Variants in NCAM2 observed in about 807,000 individuals in gnomAD.
NCAM2 encodes neural cell adhesion molecule 2, also known as N-CAM-2.
NCAM2 carries 30 observed loss-of-function variants against 98.1 expected under a neutral mutation model. That is an observed-to-expected ratio of 0.31 (90% CI 0.23 to 0.41). The LOEUF (loss-of-function observed/expected upper bound fraction) is 0.41, where lower values mean the gene tolerates loss of function less well. Ranked by LOEUF, NCAM2 falls within the 10% of genes least tolerant of loss-of-function variation. The pLI is 1.00. For synonymous variants in NCAM2, 368 were observed against 342.4 expected, an observed-to-expected ratio of 1.07 and a Z score of -0.83; for missense variants, 867 against 1,005.8, an observed-to-expected ratio of 0.86 and a Z score of 1.87.
At position 21,072,147 on chromosome 21, in the gene NCAM2, T is replaced by C. The variant is rs573170932; in HGVS notation, c.55+73529T>C. Among the ~76,000 whole-genome samples the C allele has an allele frequency of 5.3e-5, 8 of 152,194 alleles. No homozygotes were observed. The East Asian group carries it at 1.4e-3, about 26-fold the overall frequency. ...CAGGATGGTCTCGATCTCCTGACCT[T>C]GCGATCCTCCCGTTTCGGCCTCCCA... On this transcript the variant is annotated intron_variant, in intron 1 of 17. Coordinates refer to ENST00000400546, the MANE Select transcript of NCAM2 (RefSeq NM_004540.5).
intron 1 of NCAM2, among the ~76,000 whole-genome samples, chr21:21,062,436 G>A (rs8126944): frequency 0.2 from 31,116 of 151,916 alleles, 3,561 homozygotes; most frequent in African/African-American, 0.28. Flanking sequence ...TAACTTATAC[G>A]TATTTTCACA....
chr21:21,049,259 T>C (rs946862467), intron 1 of NCAM2, among the ~76,000 whole-genome samples: 14 of 151,454 alleles, frequency 9.2e-5, no homozygotes, highest in African/African-American at 3.4e-4. Context: ...GACCTCATGA[T>C]CCACCCGCCT....
intron 9 of NCAM2, among the ~76,000 whole-genome samples, chr21:21,400,192 G>A (rs1330428719): frequency 6.6e-6 from 1 of 152,150 alleles, no homozygotes; most frequent in East Asian, 1.9e-4. Flanking sequence ...TTCAGATGCT[G>A]GCATATGTTA....
At position 21,343,352 on chromosome 21, in the gene NCAM2, TACACATACAC is replaced by T. The variant is rs1385340007; in HGVS notation, c.1044+4824_1044+4833del. ...AGGACACCAAGTTAACAACTATCTA[TACACATACAC>T]ACACACACACACACACACACACACA... On this transcript the variant is annotated intron_variant, in intron 8 of 17. Transcript: ENST00000400546. 1.7e-3 allele frequency among the ~76,000 whole-genome samples: 183 copies of T among 110,158 alleles called. 1 individual carries two copies. The highest frequency in any genetic ancestry group is 5.5e-3 in the African/African-American group (157 of 28,500). The allele number at this position is 110,158 out of a possible 152,430, so 72.3% of individuals were successfully genotyped here.
At chr21:21,520,860 CTG>C (rs1250461037) in intron 16 of NCAM2, among the ~76,000 whole-genome samples, 1 of 151,752 alleles carries the variant, frequency 6.6e-6, no homozygotes, top group East Asian at 1.9e-4. Flanking sequence ...GTGGACAAAT[CTG>C]TGAGTTGAAA....
chr21:21,142,377 G>GTTTTTTTTTTTTTTTTT (rs10686568), intron 1 of NCAM2, among the ~76,000 whole-genome samples: 5 of 107,190 alleles, frequency 4.7e-5, no homozygotes, highest in East Asian at 2.9e-4. Context: ...TTTTTTTTAT[G>GTTTTTTTTTTTTTTTTT]TTTTTTTTTT....
intron 1 of NCAM2, among the ~76,000 whole-genome samples, chr21:21,236,315 T>C (rs1194820777): frequency 1.3e-5 from 2 of 152,100 alleles, no homozygotes; most frequent in Admixed American, 1.3e-4. Context: ...CCCTCTATTC[T>C]CCATGGTGGA....
chr21:21,415,251 C>T (rs571253483), intron 10 of NCAM2, among the ~76,000 whole-genome samples: 1 of 148,004 alleles, frequency 6.8e-6, no homozygotes, highest in South Asian at 2.2e-4. Context: ...ATGGCATCTT[C>T]TTGCAATAGA....
intron 5 of NCAM2, among the ~76,000 whole-genome samples, chr21:21,295,884 T>A (rs1169907949): frequency 6.6e-6 from 1 of 151,748 alleles, no homozygotes; most frequent in Non-Finnish European, 1.5e-5. Flanking sequence ...TTAAGCACCA[T>A]CTGACCTAGG....
At chr21:21,482,274 G>GGA (rs892527120) in intron 15 of NCAM2, among the ~76,000 whole-genome samples, 1 of 151,924 alleles carries the variant, frequency 6.6e-6, no homozygotes, top group Non-Finnish European at 1.5e-5. Context: ...GAACCTTTCA[G>GGA]ATCTTATAGA....
intron 1 of NCAM2, among the ~76,000 whole-genome samples, chr21:21,151,861 A>T (rs910763412): frequency 6.6e-6 from 1 of 151,970 alleles, no homozygotes; most frequent in African/African-American, 2.4e-5. Flanking sequence ...TTTGTGCATT[A>T]AGTGACTTTT....
At chr21:21,125,844 C>A (rs2066810074) in intron 1 of NCAM2, among the ~76,000 whole-genome samples, 1 of 150,744 alleles carries the variant, frequency 6.6e-6, no homozygotes, top group African/African-American at 2.4e-5. Flanking sequence ...TGAATTGAAA[C>A]TGAATGAACT....
chr21:21,076,487 A>T (rs1489867768), intron 1 of NCAM2, among the ~76,000 whole-genome samples: 1 of 152,116 alleles, frequency 6.6e-6, no homozygotes, highest in Non-Finnish European at 1.5e-5. Context: ...AAAGATCTTT[A>T]TAGTTCTGTC....
chr21:21,429,745 G>A (rs1234930621), intron 11 of NCAM2, among the ~76,000 whole-genome samples: 1 of 152,110 alleles, frequency 6.6e-6, no homozygotes, highest in Non-Finnish European at 1.5e-5. Flanking sequence ...ATAGTTCTAA[G>A]ACTTTTGGAT....
intron 1 of NCAM2, among the ~76,000 whole-genome samples, chr21:21,090,682 A>G (rs1483632986): frequency 6.6e-6 from 1 of 152,174 alleles, no homozygotes; most frequent in Non-Finnish European, 1.5e-5. Context: ...CTACTCAGGA[A>G]TAAAAGCCAG....
Position 21,155,142 on chromosome 21 carries a change from T to C in NCAM2, c.56-125436T>C, listed in dbSNP as rs186729668. ...CCAAAATAACAGACAGAGAAAGAAG[T>C]GTAGGCTGGGGAGGAACTATGATGG... On this transcript the variant is annotated intron_variant, in intron 1 of 17. Transcript: ENST00000400546. 2.5e-4 allele frequency among the ~76,000 whole-genome samples: 38 copies of C among 150,782 alleles called. No homozygotes were observed. The East Asian group carries it at 3.7e-3, about 15-fold the overall frequency.
At chr21:21,325,620 A>T (rs9974097) in intron 6 of NCAM2, among the ~76,000 whole-genome samples, 1 of 152,124 alleles carries the variant, frequency 6.6e-6, no homozygotes, top group Non-Finnish European at 1.5e-5. Flanking sequence ...CTGCTGATTT[A>T]CTAATGTGGA....
At chr21:21,100,176 G>A (rs1452771691) in intron 1 of NCAM2, among the ~76,000 whole-genome samples, 1 of 151,908 alleles carries the variant, frequency 6.6e-6, no homozygotes, top group Non-Finnish European at 1.5e-5. Flanking sequence ...TTTGAGTTAT[G>A]AAGACCATCC....
Position 21,095,653 on chromosome 21 carries a change from A to G in NCAM2, c.55+97035A>G, listed in dbSNP as rs376303941. ...ATGCTTATTTTTATAAGGAATAAAG[A>G]TATTGAATACCTCAGAAAAAATAAC... On this transcript the variant is annotated intron_variant, in intron 1 of 17. Transcript: ENST00000400546. Among the ~76,000 whole-genome samples, 383 of 151,738 alleles carry G rather than the reference A, an allele frequency of 2.5e-3. 3 individuals are homozygous for G. The highest frequency in any genetic ancestry group is 0.025 in the South Asian group (119 of 4,824).
Sources: allele counts gnomAD v4.1 joint callset (sites outside exome capture counted in the v4.1 genomes callset), GRCh38; gene constraint gnomAD v4.1.1; transcripts MANE v1.5; gene names NCBI Gene and HGNC (gene_info 2026-07-23, HGNC 2026-07-21).